PTPRA: variants seen among roughly 807,000 people sequenced by gnomAD.
PTPRA encodes receptor-type tyrosine-protein phosphatase alpha.
A neutral mutation model predicts 104.8 loss-of-function variants in PTPRA; 25 were observed. The observed-to-expected ratio is 0.24, with a 90% confidence interval of 0.17 to 0.33. The LOEUF (loss-of-function observed/expected upper bound fraction) is 0.33. Ranked by LOEUF, PTPRA falls within the 10% of genes least tolerant of loss-of-function variation. The pLI, the probability that PTPRA is intolerant of heterozygous loss-of-function variation, is 1.00. For missense variants in PTPRA, 765 were observed against 1,015.3 expected, an observed-to-expected ratio of 0.75 and a Z score of 3.35; for synonymous variants, 323 against 368.9, an observed-to-expected ratio of 0.88 and a Z score of 1.43.
intron 1 of PTPRA, among the ~76,000 whole-genome samples, chr20:2,882,689 T>G (rs2090128026): frequency 6.6e-6 from 1 of 152,194 alleles, no homozygotes; most frequent in Non-Finnish European, 1.5e-5. Context: ...AGAAGACATA[T>G]TTTTAATAGT....
chr20:2,997,971 T>G (rs1175021774), intron 9 of PTPRA, among the ~76,000 whole-genome samples: 1 of 152,062 alleles, frequency 6.6e-6, no homozygotes, highest in African/African-American at 2.4e-5. Context: ...ACAAAACAAT[T>G]TTTTTTAATT....
At chr20:2,996,326 G>A (rs1172316907) in intron 9 of PTPRA, among the ~76,000 whole-genome samples, 1 of 152,158 alleles carries the variant, frequency 6.6e-6, no homozygotes, top group Non-Finnish European at 1.5e-5. Flanking sequence ...AATCTGATTG[G>A]CTCAGTATCA....
chr20:2,996,167 G>C (rs570138441), intron 9 of PTPRA, among the ~76,000 whole-genome samples: 2 of 152,220 alleles, frequency 1.3e-5, no homozygotes, highest in African/African-American at 2.4e-5. Context: ...AAAACAAACA[G>C]AACTATTGAT....
chr20:2,955,693 C>T (rs1486296920), intron 3 of PTPRA: 2 of 982,384 alleles, frequency 2.0e-6, no homozygotes, highest in African/African-American at 1.7e-5. Context: ...CCACCCTCCC[C>T]TGGTGGTATG....
At chr20:3,006,444 A>C (rs1019466481) in intron 10 of PTPRA, among the ~76,000 whole-genome samples, 4 of 152,204 alleles carry the variant, frequency 2.6e-5, no homozygotes, top group Non-Finnish European at 5.9e-5. Context: ...CTCCCAAAGA[A>C]TTGGGATTAC....
At chr20:3,018,213 GT>G (rs563234169) in intron 13 of PTPRA, among the ~76,000 whole-genome samples, 2 of 152,034 alleles carry the variant, frequency 1.3e-5, no homozygotes, top group East Asian at 3.9e-4. Flanking sequence ...TTTTTTTGTT[GT>G]TGTTTTGTTT....
At chr20:2,922,626 G>A (rs2147365844) in intron 1 of PTPRA, among the ~76,000 whole-genome samples, 1 of 151,846 alleles carries the variant, frequency 6.6e-6, no homozygotes, top group South Asian at 2.1e-4. Context: ...ATAGGCATGA[G>A]CCACCGCACC....
At chr20:2,937,879 G>A (rs2060766099) in intron 2 of PTPRA, among the ~76,000 whole-genome samples, 1 of 152,066 alleles carries the variant, frequency 6.6e-6, no homozygotes, top group Admixed American at 6.6e-5. Flanking sequence ...GAAAAATATT[G>A]TATCCATCCT....
At chr20:2,969,978 T>TAATAAATAAATAAATAAATAAATAAATA (rs111309365) in intron 5 of PTPRA, among the ~76,000 whole-genome samples, 5 of 150,092 alleles carry the variant, frequency 3.3e-5, no homozygotes, top group South Asian at 2.1e-4. Context: ...TCTAAATAAA[T>TAATAAATAAATAAATAAATAAATAAATA]AATAAATAAA....
intron 9 of PTPRA, among the ~76,000 whole-genome samples, chr20:2,995,496 A>G (rs1206647351): frequency 6.6e-6 from 1 of 152,202 alleles, no homozygotes; most frequent in Non-Finnish European, 1.5e-5. Flanking sequence ...TGTGTGGGCA[A>G]TGCAGGCTGG....
At chr20:2,960,687 C>T (rs912203687) in intron 3 of PTPRA, among the ~76,000 whole-genome samples, 3 of 152,058 alleles carry the variant, frequency 2.0e-5, no homozygotes, top group Admixed American at 1.3e-4. Context: ...CACACACACA[C>T]CACCATGCCC....
At chr20:2,990,745 T>C (rs530841689) in intron 9 of PTPRA, among the ~76,000 whole-genome samples, 1 of 152,114 alleles carries the variant, frequency 6.6e-6, no homozygotes. Flanking sequence ...AAAAATTTTT[T>C]TTAGATATTC....
chr20:3,024,477 G>T lies in PTPRA; in HGVS notation c.1470G>T (p.Gln490His). 1 of 1,613,132 alleles carries T rather than the reference G, an allele frequency of 6.2e-7. No homozygotes were observed. The highest frequency in any genetic ancestry group is 8.5e-7 in the Non-Finnish European group (1 of 1,179,186). ...QRCQMVQTDM[Q>H]YVFIYQALLE... ...CTGTGTCATTCATGTTTCAGATGCA[G>T]TATGTCTTCATATACCAAGCCCTTC... Residue 490 changes from glutamine (Q) to histidine (H), a missense_variant, in exon 17 of 24, where the codon CAG becomes CAT. Coordinates refer to ENST00000399903, the MANE Select transcript of PTPRA (RefSeq NM_001385305.1).
chr20:2,912,059 C>T lies in PTPRA; in HGVS notation c.-128-11148C>T, dbSNP rs866594597. 5.3e-5 allele frequency among the ~76,000 whole-genome samples: 8 copies of T among 151,462 alleles called. No homozygotes were observed. In the South Asian group the frequency reaches 1.7e-3, roughly 32 times the overall value. On this transcript the variant is annotated intron_variant, in intron 1 of 23. Transcript: ENST00000399903. ...GGAGTTCGAGACAAGCCTGGGCAACCTGGTGAAACCCCATCTCCACAAAAA... is the reference window on the plus strand; with the variant it reads ...GGAGTTCGAGACAAGCCTGGGCAACTTGGTGAAACCCCATCTCCACAAAAA...
At chr20:2,986,736 A>C in intron 6 of PTPRA, 29 bp from the exon 7 acceptor site, 1 of 1,576,788 alleles carries the variant, frequency 6.3e-7, no homozygotes, top group Non-Finnish European at 8.7e-7. Context: ...ACAACACAGT[A>C]ATGACTTGTT....
chr20:2,868,279 C>T, the PTPRA span, among the ~76,000 whole-genome samples: 2 of 150,468 alleles, frequency 1.3e-5, no homozygotes, highest in African/African-American at 2.4e-5. Flanking sequence ...AGGCCCACCC[C>T]ACCAATTTCA....
intron 6 of PTPRA, among the ~76,000 whole-genome samples, chr20:2,984,160 C>T (rs1196163769): frequency 6.6e-6 from 1 of 152,138 alleles, no homozygotes; most frequent in African/African-American, 2.4e-5. Flanking sequence ...TTGAAACTTA[C>T]CATTAACAAA....
chr20:3,033,747 C>G (rs955845754), intron 20 of PTPRA, among the ~76,000 whole-genome samples: 27 of 151,724 alleles, frequency 1.8e-4, no homozygotes, highest in African/African-American at 5.3e-4. Context: ...ACTAAAAATA[C>G]AAAATTAGCG....
chr20:2,994,381 C>T (rs1477570707), intron 9 of PTPRA, among the ~76,000 whole-genome samples: 1 of 152,132 alleles, frequency 6.6e-6, no homozygotes, highest in Non-Finnish European at 1.5e-5. Context: ...TTTCCGTTTC[C>T]ATTACTGGGA....
Sources: gnomAD v4.1 joint callset for allele counts (sites outside exome capture counted in the v4.1 genomes callset) on GRCh38, gnomAD v4.1.1 for gene constraint, MANE v1.5 for transcripts, NCBI Gene and HGNC (gene_info 2026-07-23, HGNC 2026-07-21) for gene names.